DMD: variants seen among roughly 807,000 people sequenced by gnomAD.
DMD encodes the protein mutant dystrophin.
In DMD, 63 loss-of-function variants were observed where a neutral mutation model predicts 330.1. The ratio of observed to expected loss-of-function variants is 0.19; its 90% CI spans 0.16 to 0.24. DMD has a LOEUF of 0.24. Ranked by LOEUF, DMD falls within the 10% of genes least tolerant of loss-of-function variation. The pLI is 1.00. For missense variants in DMD, 3,344 were observed against 2,684.1 expected (o/e 1.25, Z -5.43); for synonymous variants, 1,223 against 959.8 (o/e 1.27, Z -5.07).
chrX:31,491,725 G>T (rs187550168), intron 57 of DMD, among the ~76,000 whole-genome samples: 1 of 111,388 alleles, frequency 9.0e-6, no homozygotes, highest in East Asian at 2.8e-4. Context: ...TATGTCTGTG[G>T]AGTATCTTGG....
rs367982692 is a variant in DMD, at chrX:33,101,402, C to T, written c.32-81202G>A. Among the ~76,000 whole-genome samples the T allele has an allele frequency of 4.9e-4, 55 of 112,051 alleles. No individual in the cohort carries two copies. In the South Asian group the frequency reaches 9.2e-3, roughly 19 times the overall value. On this transcript the variant is annotated intron_variant, in intron 1 of 78. Transcript: ENST00000357033. Reference sequence around the variant, plus strand: ...CAGCACTTTGGGAGGCCGAGGCACGCGGATCACCTGAGGTCAGGAGTTCGA... The same window carrying T: ...CAGCACTTTGGGAGGCCGAGGCACGTGGATCACCTGAGGTCAGGAGTTCGA...
intron 26 of DMD, 81 bp downstream of exon 26, chrX:32,454,581 A>G (rs182827451): frequency 1.2e-6 from 1 of 833,406 alleles, no homozygotes; most frequent in East Asian, 3.3e-5. Context: ...CAGACTGTAT[A>G]CAACTTCAAG....
chrX:32,207,898 A>T (rs1187436766), intron 44 of DMD, among the ~76,000 whole-genome samples: 1 of 111,935 alleles, frequency 8.9e-6, no homozygotes, highest in Non-Finnish European at 1.9e-5. Context: ...CAACAGCCAT[A>T]AATTATAAAA....
intron 44 of DMD, among the ~76,000 whole-genome samples, chrX:32,181,978 G>A (rs2096928567): frequency 8.9e-6 from 1 of 111,967 alleles, no homozygotes; most frequent in Admixed American, 9.5e-5. Context: ...GAATTAAGTT[G>A]CATTTAATTT....
chrX:31,263,010 A>T (rs2050676632), intron 62 of DMD, among the ~76,000 whole-genome samples: 1 of 112,677 alleles, frequency 8.9e-6, no homozygotes, highest in African/African-American at 3.2e-5. Context: ...AGCACCAGGG[A>T]GAAAGGAAGA....
intron 61 of DMD, among the ~76,000 whole-genome samples, chrX:31,343,238 A>C (rs1056637600): frequency 7.2e-5 from 8 of 111,807 alleles, no homozygotes; most frequent in Non-Finnish European, 1.5e-4. Flanking sequence ...TAAATAATTT[A>C]AATGATAATT....
At chrX:33,161,791 T>C (rs1345462547) in intron 1 of DMD, among the ~76,000 whole-genome samples, 1 of 111,941 alleles carries the variant, frequency 8.9e-6, no homozygotes, top group Non-Finnish European at 1.9e-5. Context: ...TTCTCTTCCT[T>C]AGTCAACAAC....
chrX:32,143,793 G>T (rs1355476954), intron 44 of DMD, among the ~76,000 whole-genome samples: 1 of 107,546 alleles, frequency 9.3e-6, no homozygotes, highest in African/African-American at 3.4e-5. Context: ...CTCGTGATCC[G>T]CCCGCCTCGG....
At chrX:31,340,092 A>G (rs1382528053) in intron 61 of DMD, among the ~76,000 whole-genome samples, 1 of 112,377 alleles carries the variant, frequency 8.9e-6, no homozygotes, top group Non-Finnish European at 1.9e-5. Context: ...GCAACTCTCA[A>G]GATAGAAACA....
chrX:32,629,711 C>A (rs1007319412), intron 11 of DMD, among the ~76,000 whole-genome samples: 3 of 108,316 alleles, frequency 2.8e-5, no homozygotes, highest in Non-Finnish European at 5.7e-5. Context: ...TTTGTGGTAA[C>A]TATGAGGTTT....
chrX:31,655,420 T>C (rs2080722486), intron 54 of DMD, among the ~76,000 whole-genome samples: 2 of 111,274 alleles, frequency 1.8e-5, no homozygotes, highest in Admixed American at 1.9e-4. Flanking sequence ...TTATATTAGA[T>C]TGCACTTTTG....
At position 31,522,363 on chromosome X, in the gene DMD, C is replaced by CTCTCTCTCTATATA; in HGVS notation, c.8218-14911_8218-14910insTATATAGAGAGAGA. Among the ~76,000 whole-genome samples, 124 of 35,946 alleles carry CTCTCTCTCTATATA rather than the reference C, an allele frequency of 3.4e-3. 1 individual carries two copies. Among genetic ancestry groups the CTCTCTCTCTATATA allele is most frequent in the Non-Finnish European group, 4.1e-3 (98 of 23,962 alleles). The allele number at this position is 35,946 out of a possible 115,157, so 31.2% of individuals were successfully genotyped here. ...TCTCTCTCTCTCTCTCTCTCTCTCT[C>CTCTCTCTCTATATA]TATATATATATATATATATATATAG... On this transcript the variant is annotated intron_variant, in intron 55 of 78. Transcript: ENST00000357033.
chrX:32,381,055 G>A (rs2097922830), intron 33 of DMD, among the ~76,000 whole-genome samples: 1 of 111,394 alleles, frequency 9.0e-6, no homozygotes, highest in Non-Finnish European at 1.9e-5. Flanking sequence ...TGGCAAGAAG[G>A]TTTACAATCC....
intron 7 of DMD, among the ~76,000 whole-genome samples, chrX:32,736,358 C>T (rs1428406048): frequency 1.8e-5 from 2 of 111,512 alleles, no homozygotes; most frequent in South Asian, 7.5e-4. Flanking sequence ...GTCAGTGTGG[C>T]CATTCCTCAG....
chrX:31,670,072 A>G (rs779826321), intron 53 of DMD, among the ~76,000 whole-genome samples: 1 of 111,376 alleles, frequency 9.0e-6, no homozygotes, highest in East Asian at 2.8e-4. Flanking sequence ...GCCATTGTAA[A>G]TATTTTCTTA....
intron 77 of DMD, among the ~76,000 whole-genome samples, chrX:31,131,165 A>G (rs1391033507): frequency 8.9e-6 from 1 of 111,973 alleles, no homozygotes. Context: ...AGAAACTTCC[A>G]CGGCAAAAAT....
At chrX:32,438,888 C>A (rs1021813943) in intron 28 of DMD, among the ~76,000 whole-genome samples, 3 of 111,457 alleles carry the variant, frequency 2.7e-5, no homozygotes, top group Admixed American at 1.9e-4. Context: ...CAGAGAGTGC[C>A]TACTCGCCTC....
intron 11 of DMD, among the ~76,000 whole-genome samples, chrX:32,633,492 A>C (rs1375734114): frequency 8.9e-6 from 1 of 111,883 alleles, no homozygotes; most frequent in African/African-American, 3.3e-5. Flanking sequence ...TCTTCTTCTG[A>C]GCCCTCCAAA....
chrX:32,924,364 C>T (rs937625396), intron 2 of DMD, among the ~76,000 whole-genome samples: 3 of 109,891 alleles, frequency 2.7e-5, no homozygotes, highest in African/African-American at 1.0e-4. Context: ...CCTGTCTCCA[C>T]GAAAAATAAA....
Sources: allele counts gnomAD v4.1 joint callset (sites outside exome capture counted in the v4.1 genomes callset), GRCh38; gene constraint gnomAD v4.1.1; transcripts MANE v1.5; gene names NCBI Gene and HGNC (gene_info 2026-07-23, HGNC 2026-07-21).